Variants in DUSP10 observed in about 807,000 individuals in gnomAD.
DUSP10 encodes the protein dual specificity protein phosphatase 10.
In DUSP10, 14 loss-of-function variants were observed where a neutral mutation model predicts 30.8. That is an observed-to-expected ratio of 0.46 (90% CI 0.30 to 0.71). The LOEUF is 0.71. DUSP10 is among the 30% of genes least tolerant of loss of function. The pLI, the probability that DUSP10 is intolerant of heterozygous loss-of-function variation, is 0.08. For synonymous variants in DUSP10, 254 were observed against 250.4 expected (o/e 1.01, Z -0.14); for missense variants, 550 against 619.4 (o/e 0.89, Z 1.19).
chr1:221,708,609 G>T (rs1660836831), intron 2 of DUSP10, among the ~76,000 whole-genome samples: 1 of 152,152 alleles, frequency 6.6e-6, no homozygotes, highest in Non-Finnish European at 1.5e-5. Context: ...AGTTTATTCT[G>T]CTAGGCAATT....
At chr1:221,728,051 G>A (rs922391577) in intron 2 of DUSP10, among the ~76,000 whole-genome samples, 1 of 152,148 alleles carries the variant, frequency 6.6e-6, no homozygotes, top group Admixed American at 6.5e-5. Context: ...ATCATCACAG[G>A]GGTGGGTCCT....
chr1:221,741,106 C>T (rs1661941318), intron 1 of DUSP10, among the ~76,000 whole-genome samples: 2 of 152,238 alleles, frequency 1.3e-5, no homozygotes, highest in African/African-American at 4.8e-5. Flanking sequence ...TCCACACTCA[C>T]GCGCGCACAC....
intron 2 of DUSP10, among the ~76,000 whole-genome samples, chr1:221,731,173 G>A (rs1469479202): frequency 1.3e-5 from 2 of 152,130 alleles, no homozygotes; most frequent in Admixed American, 6.5e-5. Flanking sequence ...TCCTCGAAGG[G>A]GATTTAGGGG....
At chr1:221,715,250 A>C (rs1261719659) in intron 2 of DUSP10, among the ~76,000 whole-genome samples, 1 of 152,252 alleles carries the variant, frequency 6.6e-6, no homozygotes, top group Non-Finnish European at 1.5e-5. Context: ...GTGATTTATG[A>C]AAATTGAAAA....
Position 221,701,793 on chromosome 1 carries a change from A to T in DUSP10, c.*619T>A. 6.6e-6 allele frequency: 1 copy of T among 152,492 alleles called. No individual in the cohort carries two copies. The highest frequency in any genetic ancestry group is 1.9e-4 in the East Asian group (1 of 5,192). 9.4% of individuals were successfully genotyped at this position (152,492 alleles called of 1,614,324 possible). A position where few individuals can be genotyped will look rare whatever the true frequency, so the allele number is the denominator to read the frequency against. On this transcript the variant is annotated 3_prime_UTR_variant, in exon 4 of 4. Coordinates refer to ENST00000366899, the MANE Select transcript of DUSP10 (RefSeq NM_007207.6). ...GTCAGTTCCTCACTATTTCAAAAAAAATCTCTTAAACCCAGAGAAGGAAAA... is the reference window on the plus strand; with the variant it reads ...GTCAGTTCCTCACTATTTCAAAAAATATCTCTTAAACCCAGAGAAGGAAAA...
At chr1:221,736,775 A>C in intron 2 of DUSP10, 2 of 979,090 alleles carry the variant, frequency 2.0e-6, no homozygotes, top group Non-Finnish European at 2.4e-6. Flanking sequence ...TCACTCCTGA[A>C]CTACATATTT....
chr1:221,711,912 C>T (rs1021531834), intron 2 of DUSP10: 1 of 152,180 alleles, frequency 6.6e-6, no homozygotes, highest in Admixed American at 6.5e-5. Flanking sequence ...AGAACAAAGC[C>T]TGGATGAACT....
chr1:221,706,550 A>C lies in DUSP10; in HGVS notation c.812-84T>G. 1 of 1,025,982 alleles carries C rather than the reference A, an allele frequency of 9.7e-7. No individual in the cohort carries two copies. The highest frequency in any genetic ancestry group is 1.3e-6 in the Non-Finnish European group (1 of 742,044). The allele number at this position is 1,025,982 out of a possible 1,614,324, so 63.6% of individuals were successfully genotyped here. ...CACCTCCCCATTAGAATGAGTTTGCATTGTAGCTCATGCATATTTTAAATA... is the reference window on the plus strand; with the variant it reads ...CACCTCCCCATTAGAATGAGTTTGCCTTGTAGCTCATGCATATTTTAAATA... On this transcript the variant is annotated intron_variant, in intron 2 of 3. Coordinates refer to ENST00000366899, the MANE Select transcript of DUSP10 (RefSeq NM_007207.6). The surrounding 1 kb of genome is among the most constrained non-coding windows in gnomAD (Gnocchi z 4.6).
chr1:221,710,154 G>A (rs12749729), intron 2 of DUSP10, among the ~76,000 whole-genome samples: 47,077 of 152,018 alleles, frequency 0.31, 7,498 homozygotes, highest in East Asian at 0.41. Flanking sequence ...TTTGATACAC[G>A]ACCAGGTATT....
chr1:221,719,883 C>G (rs1661225735), intron 2 of DUSP10, among the ~76,000 whole-genome samples: 1 of 152,136 alleles, frequency 6.6e-6, no homozygotes, highest in Admixed American at 6.5e-5. Flanking sequence ...TCTCCCAACT[C>G]TGGTGTTCTA....
chr1:221,716,169 A>G (rs2102627798), intron 2 of DUSP10, among the ~76,000 whole-genome samples: 1 of 152,352 alleles, frequency 6.6e-6, no homozygotes, highest in South Asian at 2.1e-4. Flanking sequence ...CTTGAATTTC[A>G]AACGAATCCA....
chr1:221,734,186 A>G (rs1432263094), intron 2 of DUSP10, among the ~76,000 whole-genome samples: 1 of 152,232 alleles, frequency 6.6e-6, no homozygotes, highest in Non-Finnish European at 1.5e-5. Flanking sequence ...CAAAAAGCAA[A>G]GCTAAAAAGT....
Position 221,739,708 on chromosome 1 carries a change from C to A in DUSP10, c.37G>T (p.Ala13Ser). 1 of 1,608,986 alleles carries A rather than the reference C, an allele frequency of 6.2e-7. No homozygotes were observed. Among genetic ancestry groups the A allele is most frequent in the Non-Finnish European group, 8.5e-7 (1 of 1,177,042 alleles). ...PSPLDDRVVV[A>S]LSRPVRPQDL... ...TGAGGTCGGACGGGCCTAGATAGTG[C>A]CACTACTACCCTGTCGTCTAAAGGA... Residue 13 changes from alanine (A) to serine (S), a missense_variant, in exon 2 of 4, where the codon GCA becomes TCA. By Grantham distance (99) the Ala-to-Ser change is moderately conservative. Transcript: ENST00000366899.
chr1:221,702,184 C>T lies in DUSP10; in HGVS notation c.*228G>A, dbSNP rs528294071. 2.0e-6 allele frequency: 1 copy of T among 510,790 alleles called. No individual in the cohort carries two copies. The highest frequency in any genetic ancestry group is 3.4e-6 in the Non-Finnish European group (1 of 291,328). 31.6% of individuals were successfully genotyped at this position (510,790 alleles called of 1,614,324 possible). A position where few individuals can be genotyped will look rare whatever the true frequency, so the allele number is the denominator to read the frequency against. On this transcript the variant is annotated 3_prime_UTR_variant, in exon 4 of 4. Coordinates refer to ENST00000366899, the MANE Select transcript of DUSP10 (RefSeq NM_007207.6). The surrounding 1 kb of genome is among the most constrained non-coding windows in gnomAD (Gnocchi z 4.5). Reference sequence around the variant, plus strand: ...TTTTATTGTTGGCTTAAAAAAATTACTTCTTTAACCTCCTTAATTTGTCAG... The same window carrying T: ...TTTTATTGTTGGCTTAAAAAAATTATTTCTTTAACCTCCTTAATTTGTCAG...
At chr1:221,732,246 C>T (rs1388703043) in intron 2 of DUSP10, among the ~76,000 whole-genome samples, 1 of 152,188 alleles carries the variant, frequency 6.6e-6, no homozygotes, top group East Asian at 1.9e-4. Flanking sequence ...GACCACCTAC[C>T]AAAAAGTCCC....
chr1:221,706,730 A>G lies in DUSP10; in HGVS notation c.812-264T>C, dbSNP rs370634821. Among the ~76,000 whole-genome samples the G allele has an allele frequency of 2.6e-5, 4 of 152,206 alleles. No individual in the cohort carries two copies. Among genetic ancestry groups the G allele is most frequent in the African/African-American group, 9.7e-5 (4 of 41,448 alleles). ...ATGTGCTCTTTCTACAAATGAGGGC[A>G]TGTTCCCCTAGCAAGAGTTCCACGC... On this transcript the variant is annotated intron_variant, in intron 2 of 3. Coordinates refer to ENST00000366899, the MANE Select transcript of DUSP10 (RefSeq NM_007207.6). This position sits in a 1 kb window ranked among gnomAD's most constrained non-coding sequence, Gnocchi z 4.6.
At chr1:221,718,857 G>A (rs974371724) in intron 2 of DUSP10, among the ~76,000 whole-genome samples, 1 of 152,152 alleles carries the variant, frequency 6.6e-6, no homozygotes, top group African/African-American at 2.4e-5. Flanking sequence ...TGTCACATGC[G>A]AGCCTCACAG....
Position 221,706,220 on chromosome 1 carries a change from T to G in DUSP10, c.1058A>C (p.Asn353Thr), listed in dbSNP as rs1558115878. ...GTAGAGGGGAAGATGAGTGGTGACG[T>G]TGATGACGTAGCCGATGTTCAGCCG... Reference protein sequence around the residue: ...MQRLNIGYVINVTTHLPLYHY... With the variant: ...MQRLNIGYVITVTTHLPLYHY... The change falls in exon 3 of 4, where the codon AAC becomes ACC. Residue 353 changes from asparagine (N) to threonine (T), a missense_variant. Asn to Thr is a moderately conservative substitution (Grantham distance 65). Coordinates refer to ENST00000366899, the MANE Select transcript of DUSP10 (RefSeq NM_007207.6). This position sits in a 1 kb window ranked among gnomAD's most constrained non-coding sequence, Gnocchi z 4.6. 1.2e-6 allele frequency: 2 copies of G among 1,614,108 alleles called. No individual in the cohort carries two copies. The highest frequency in any genetic ancestry group is 1.7e-6 in the Non-Finnish European group (2 of 1,180,022).
chr1:221,720,834 AT>A (rs1661261265), intron 2 of DUSP10, among the ~76,000 whole-genome samples: 1 of 152,340 alleles, frequency 6.6e-6, no homozygotes, highest in East Asian at 1.9e-4. Flanking sequence ...AATCTCTTTT[AT>A]CATATCATGA....
Sources: allele counts gnomAD v4.1 joint callset (sites outside exome capture counted in the v4.1 genomes callset), GRCh38; gene constraint gnomAD v4.1.1; non-coding constraint Gnocchi (gnomAD v3.1); transcripts MANE v1.5; gene names NCBI Gene and HGNC (gene_info 2026-07-23, HGNC 2026-07-21).